Variants in MEIS2 observed in about 807,000 individuals in gnomAD.
MEIS2 encodes Meis homeobox 2.
A neutral mutation model predicts 58.6 loss-of-function variants in MEIS2; 9 were observed. The ratio of observed to expected loss-of-function variants is 0.15; its 90% CI spans 0.09 to 0.27. The LOEUF (loss-of-function observed/expected upper bound fraction) is 0.27. Ranked by LOEUF, MEIS2 falls within the 10% of genes least tolerant of loss-of-function variation. The pLI, the probability that MEIS2 is intolerant of heterozygous loss-of-function variation, is 1.00. For missense variants in MEIS2, 427 were observed against 635.0 expected, an observed-to-expected ratio of 0.67 and a Z score of 3.52; for synonymous variants, 221 against 228.4, an observed-to-expected ratio of 0.97 and a Z score of 0.29.
At chr15:37,095,540 A>C in intron 4 of MEIS2, 24 bp downstream of exon 4, 1 of 1,614,124 alleles carries the variant, frequency 6.2e-7, no homozygotes, top group East Asian at 2.2e-5. Context: ...AGGCTGGGGA[A>C]AAACAAGGAA....
chr15:37,074,561 C>T (rs1354774453), intron 7 of MEIS2, among the ~76,000 whole-genome samples: 1 of 151,698 alleles, frequency 6.6e-6, no homozygotes, highest in African/African-American at 2.4e-5. Context: ...GAGCAAAAGT[C>T]CAAAGAGATT....
chr15:37,100,569 G>A (rs1490647859), upstream of MEIS2: 1 of 151,580 alleles, frequency 6.6e-6, no homozygotes, highest in Non-Finnish European at 1.5e-5. Flanking sequence ...GCCCCGGCTG[G>A]GGGGGTGGGG....
chr15:36,966,371 G>A (rs960557228), intron 8 of MEIS2, among the ~76,000 whole-genome samples: 1 of 152,082 alleles, frequency 6.6e-6, no homozygotes, highest in African/African-American at 2.4e-5. Flanking sequence ...CATTCTCAAG[G>A]AATAATTTTA....
At chr15:37,071,178 T>C (rs191511901) in intron 7 of MEIS2, among the ~76,000 whole-genome samples, 13 of 152,234 alleles carry the variant, frequency 8.5e-5, no homozygotes, top group African/African-American at 3.1e-4. Context: ...CCTCCTATAT[T>C]ATTGTAGCAC....
rs1405617644 is a variant in MEIS2 at position 37,083,756 on chromosome 15, T to C, written c.754+15A>G. 6.2e-6 allele frequency: 10 copies of C among 1,606,622 alleles called. No homozygotes were observed. Among genetic ancestry groups the C allele is most frequent in the Non-Finnish European group, 8.5e-6 (10 of 1,174,922 alleles). On this transcript the variant is annotated intron_variant, in intron 7 of 11. Coordinates refer to ENST00000561208, the MANE Select transcript of MEIS2 (RefSeq NM_170675.5). ...TCATGCCTACTTTGCACGAGGAAAA[T>C]GTTTGACCTTTTACCTTGCTCACTG...
At chr15:36,912,857 G>T (rs1348934084) in intron 9 of MEIS2, among the ~76,000 whole-genome samples, 3 of 148,448 alleles carry the variant, frequency 2.0e-5, no homozygotes, top group Non-Finnish European at 4.5e-5. Flanking sequence ...AGAAAAAAAA[G>T]GTGCTAAACT....
chr15:37,024,365 T>C (rs2061630862), intron 8 of MEIS2, among the ~76,000 whole-genome samples: 1 of 152,234 alleles, frequency 6.6e-6, no homozygotes, highest in African/African-American at 2.4e-5. Flanking sequence ...CCGTTCTCTC[T>C]CTGCACTGTC....
At chr15:37,099,024 CCCGGCGGCGGCT>C (rs1894757780) in intron 1 of MEIS2, 3 of 983,228 alleles carry the variant, frequency 3.1e-6, no homozygotes, top group South Asian at 9.1e-5. Flanking sequence ...CAGCGGCGGC[CCCGGCGGCGGCT>C]CCTACGCAGC....
chr15:37,088,729 T>C (rs575399187), intron 6 of MEIS2, among the ~76,000 whole-genome samples: 9 of 152,310 alleles, frequency 5.9e-5, no homozygotes, highest in African/African-American at 2.2e-4. Context: ...CTCACAGAAG[T>C]GGCAAGCACC....
At chr15:36,912,301 T>C (rs115561265) in intron 9 of MEIS2, among the ~76,000 whole-genome samples, 1 of 152,346 alleles carries the variant, frequency 6.6e-6, no homozygotes, top group African/African-American at 2.4e-5. Context: ...TACAAAATTA[T>C]TTTCCTATCT....
chr15:36,908,637 A>T (rs2056855707), intron 9 of MEIS2, among the ~76,000 whole-genome samples: 2 of 152,140 alleles, frequency 1.3e-5, no homozygotes, highest in South Asian at 4.1e-4. Flanking sequence ...CACTTTCACA[A>T]TGCAGATAAA....
intron 8 of MEIS2, among the ~76,000 whole-genome samples, chr15:36,956,188 C>CAAAAA (rs372946912): frequency 3.5e-5 from 2 of 56,646 alleles, no homozygotes; most frequent in Non-Finnish European, 3.2e-5. Flanking sequence ...AACTCCATCT[C>CAAAAA]AAAAAAAAAA....
intron 7 of MEIS2, among the ~76,000 whole-genome samples, chr15:37,057,660 A>G (rs1480544118): frequency 6.6e-6 from 1 of 152,136 alleles, no homozygotes; most frequent in African/African-American, 2.4e-5. Flanking sequence ...AAATAAATAA[A>G]TAAATAAATA....
chr15:36,952,141 C>A (rs1188598097), intron 8 of MEIS2, among the ~76,000 whole-genome samples: 2 of 152,124 alleles, frequency 1.3e-5, no homozygotes, highest in Non-Finnish European at 2.9e-5. Flanking sequence ...TAATGAATGA[C>A]TGCACAAACA....
intron 8 of MEIS2, among the ~76,000 whole-genome samples, chr15:36,960,815 A>C (rs1246255917): frequency 2.0e-5 from 3 of 152,156 alleles, no homozygotes; most frequent in African/African-American, 4.8e-5. Flanking sequence ...CATCATTACC[A>C]GTCTACCACA....
At chr15:36,966,417 T>C (rs1361523093) in intron 8 of MEIS2, among the ~76,000 whole-genome samples, 2 of 152,200 alleles carry the variant, frequency 1.3e-5, no homozygotes, top group Admixed American at 1.3e-4. Flanking sequence ...TAGTATCGCA[T>C]CACCAGACGA....
intron 9 of MEIS2, among the ~76,000 whole-genome samples, chr15:36,938,916 G>A (rs1276272029): frequency 6.6e-6 from 1 of 152,170 alleles, no homozygotes; most frequent in Non-Finnish European, 1.5e-5. Context: ...ATCGTCTTTT[G>A]TCAAACACTG....
intron 8 of MEIS2, among the ~76,000 whole-genome samples, chr15:37,016,529 G>A (rs1453519163): frequency 1.3e-5 from 2 of 152,044 alleles, no homozygotes; most frequent in African/African-American, 2.4e-5. Flanking sequence ...CCAGCAGCTC[G>A]AAAAGGGATC....
chr15:37,095,501 T>C, intron 4 of MEIS2, 63 bp downstream of exon 4: 2 of 1,609,654 alleles, frequency 1.2e-6, no homozygotes, highest in South Asian at 2.2e-5. Context: ...CAGCAGAAAG[T>C]GGGTGCTTCT....
Sources: gnomAD v4.1 joint callset for allele counts (sites outside exome capture counted in the v4.1 genomes callset) on GRCh38, gnomAD v4.1.1 for gene constraint, MANE v1.5 for transcripts, NCBI Gene and HGNC (gene_info 2026-07-23, HGNC 2026-07-21) for gene names.